The following SLIT2 variants were observed in gnomAD, a reference collection of about 807,000 sequenced individuals.
SLIT2 encodes the protein slit homolog 2 protein.
A neutral mutation model predicts 185.7 loss-of-function variants in SLIT2; 41 were observed. That is an observed-to-expected ratio of 0.22 (90% confidence interval 0.17 to 0.29). SLIT2 has a LOEUF of 0.29. Ranked by LOEUF, SLIT2 falls within the 10% of genes least tolerant of loss-of-function variation. SLIT2 has a pLI of 1.00. For synonymous variants in SLIT2, 693 were observed against 680.2 expected (o/e 1.02, Z -0.29); for missense variants, 1,571 against 1,909.0 (o/e 0.82, Z 3.30).
chr4:20,423,031 T>C (rs1728282242), intron 4 of SLIT2, among the ~76,000 whole-genome samples: 1 of 152,134 alleles, frequency 6.6e-6, no homozygotes, highest in South Asian at 2.1e-4. Flanking sequence ...ATGCTTTCTA[T>C]GACATCGCTA....
chr4:20,493,027 A>G (rs992783138), intron 9 of SLIT2, among the ~76,000 whole-genome samples: 6 of 152,170 alleles, frequency 3.9e-5, no homozygotes, highest in Non-Finnish European at 7.4e-5. Flanking sequence ...CAAAATTTTA[A>G]TTGATAGAAC....
intron 34 of SLIT2, among the ~76,000 whole-genome samples, chr4:20,611,619 G>A (rs960683442): frequency 5.3e-5 from 8 of 152,166 alleles, no homozygotes; most frequent in Non-Finnish European, 1.5e-5. Flanking sequence ...TTCCATTCTT[G>A]CCAGCACTCC....
intron 11 of SLIT2, among the ~76,000 whole-genome samples, chr4:20,517,764 G>C (rs1720343529): frequency 6.6e-6 from 1 of 151,924 alleles, no homozygotes. Flanking sequence ...CTGACATCTT[G>C]AAAGAGGAAC....
Position 20,616,888 on chromosome 4 carries a change from CTGA to C in SLIT2, c.3848-21_3848-19del. 6.4e-7 allele frequency: 1 copy of C among 1,572,184 alleles called. No homozygotes were observed. Among genetic ancestry groups the C allele is most frequent in the Non-Finnish European group, 8.7e-7 (1 of 1,152,976 alleles). ...CAGAAATCCCCAGAGAGCCTGACCT[CTGA>C]CCTGGTGTTCCTCCCCAGGCATGCC... On this transcript the variant is annotated intron_variant, in intron 34 of 36. Transcript: ENST00000504154.
chr4:20,480,824 G>A, intron 6 of SLIT2, 37 bp downstream of exon 6: 11 of 1,489,702 alleles, frequency 7.4e-6, no homozygotes, highest in Non-Finnish European at 1.0e-5. Context: ...TTTAACGGGG[G>A]CTTTGTGTCT....
At chr4:20,589,798 C>G (rs992391082) in intron 30 of SLIT2, 61 bp downstream of exon 30, 2 of 1,070,296 alleles carry the variant, frequency 1.9e-6, no homozygotes, top group African/African-American at 3.1e-5. Flanking sequence ...TTTTAGGAGC[C>G]CTTCTCCTCC....
intron 4 of SLIT2, among the ~76,000 whole-genome samples, chr4:20,437,154 C>G (rs1455908206): frequency 6.6e-6 from 1 of 152,148 alleles, no homozygotes; most frequent in Non-Finnish European, 1.5e-5. Flanking sequence ...TCTCTAAAAT[C>G]CAGACTCATA....
intron 4 of SLIT2, among the ~76,000 whole-genome samples, chr4:20,440,527 C>T (rs1729666820): frequency 6.6e-6 from 1 of 151,592 alleles, no homozygotes; most frequent in Non-Finnish European, 1.5e-5. Context: ...TATATACGGC[C>T]CTAAAAAAAA....
intron 4 of SLIT2, among the ~76,000 whole-genome samples, chr4:20,403,024 T>A (rs1170024319): frequency 1.3e-5 from 2 of 151,858 alleles, no homozygotes; most frequent in African/African-American, 4.8e-5. Flanking sequence ...TACATTTATA[T>A]CCAAAGCTTG....
At chr4:20,341,448 G>C (rs566759549) in intron 4 of SLIT2, among the ~76,000 whole-genome samples, 1 of 152,170 alleles carries the variant, frequency 6.6e-6, no homozygotes, top group African/African-American at 2.4e-5. Context: ...ATCTTCAAGG[G>C]CATTTTAAAT....
chr4:20,314,488 A>T (rs545758154), intron 4 of SLIT2, among the ~76,000 whole-genome samples: 22 of 152,322 alleles, frequency 1.4e-4, no homozygotes, highest in Non-Finnish European at 2.9e-4. Flanking sequence ...TACATGACTT[A>T]ATAAAACAAA....
intron 4 of SLIT2, among the ~76,000 whole-genome samples, chr4:20,301,877 T>G (rs568143357): frequency 6.6e-6 from 1 of 152,216 alleles, no homozygotes; most frequent in Non-Finnish European, 1.5e-5. Flanking sequence ...GTGATCGGGC[T>G]AAATGTTCAT....
intron 4 of SLIT2, among the ~76,000 whole-genome samples, chr4:20,417,722 G>T (rs947363778): frequency 1.3e-5 from 2 of 151,518 alleles, no homozygotes; most frequent in Admixed American, 1.3e-4. Flanking sequence ...CTTTCACTAT[G>T]TTGGCCAGGA....
At chr4:20,502,016 AAGT>A in intron 9 of SLIT2, among the ~76,000 whole-genome samples, 2 of 152,296 alleles carry the variant, frequency 1.3e-5, no homozygotes, top group Admixed American at 1.3e-4. Flanking sequence ...ATTTCCCAAG[AAGT>A]TATTTAGGTA....
chr4:20,298,084 T>A (rs1716662811), intron 4 of SLIT2, among the ~76,000 whole-genome samples: 1 of 147,308 alleles, frequency 6.8e-6, no homozygotes, highest in African/African-American at 2.5e-5. Flanking sequence ...TTCTGTTAGT[T>A]TTTTTTTTTT....
intron 9 of SLIT2, among the ~76,000 whole-genome samples, chr4:20,494,777 CAAA>C (rs529308309): frequency 3.0e-5 from 3 of 98,404 alleles, no homozygotes; most frequent in African/African-American, 7.2e-5. Context: ...GACTCCGTCT[CAAA>C]AAAAAAAAAA....
At position 20,314,787 on chromosome 4, in the gene SLIT2, A is replaced by T. The variant is rs566409185; in HGVS notation, c.395+45906A>T. ...ACAGGTAATTCACAAAGAACTGCAG[A>T]TGGTCAATAAATTCATGGAAAGCTG... On this transcript the variant is annotated intron_variant, in intron 4 of 36. Transcript: ENST00000504154. Among the ~76,000 whole-genome samples, 9 of 152,266 alleles carry T rather than the reference A, an allele frequency of 5.9e-5. No individual in the cohort carries two copies. The East Asian group carries it at 1.7e-3, about 29-fold the overall frequency.
Position 20,388,335 on chromosome 4 carries a change from T to A in SLIT2, c.396-79417T>A, listed in dbSNP as rs1193405267. Among the ~76,000 whole-genome samples, 3 of 152,116 alleles carry A rather than the reference T, an allele frequency of 2.0e-5. No homozygotes were observed. In the East Asian group the frequency reaches 5.8e-4, roughly 29 times the overall value. ...ACTTGTATCCAGAATATATAAAGAA[T>A]CTGCAAAACTCACAAATAAGAGCAA... On this transcript the variant is annotated intron_variant, in intron 4 of 36. Coordinates refer to ENST00000504154, the MANE Select transcript of SLIT2 (RefSeq NM_004787.4).
In SLIT2 at chr4:20,617,040, A is replaced by G; in HGVS notation, c.3978A>G (p.Gln1326=). The G allele has an allele frequency of 6.2e-7, 1 of 1,614,210 alleles. No homozygotes were observed. Among genetic ancestry groups the G allele is most frequent in the Non-Finnish European group, 8.5e-7 (1 of 1,180,026 alleles). Residue 1326 remains glutamine, a synonymous_variant, in exon 35 of 37, where the codon CAA becomes CAG. Coordinates refer to ENST00000504154, the MANE Select transcript of SLIT2 (RefSeq NM_004787.4). ...ELQDFQKVPM[Q]TGILPGCEPC... The stretch of plus-strand genomic sequence containing the variant: ...AGGACTTCCAGAAGGTGCCGATGCA[A>G]ACAGGCATTTTGCCTGGCTGTGAGC...
Sources: allele counts gnomAD v4.1 joint callset (sites outside exome capture counted in the v4.1 genomes callset), GRCh38; gene constraint gnomAD v4.1.1; transcripts MANE v1.5; gene names NCBI Gene and HGNC (gene_info 2026-07-23, HGNC 2026-07-21).